The following RBFOX1 variants were observed in gnomAD, a reference collection of about 807,000 sequenced individuals.
RBFOX1 encodes the protein RNA binding protein fox-1 homolog 1.
In RBFOX1, 8 loss-of-function variants were observed where a neutral mutation model predicts 57.7. The ratio of observed to expected loss-of-function variants is 0.14; its 90% CI spans 0.08 to 0.25. The LOEUF (loss-of-function observed/expected upper bound fraction) is 0.25. Ranked by LOEUF, RBFOX1 falls within the 10% of genes least tolerant of loss-of-function variation. RBFOX1 has a pLI of 1.00. For missense variants in RBFOX1, 611 were observed against 548.5 expected (o/e 1.11, Z -1.14); for synonymous variants, 326 against 222.4 (o/e 1.47, Z -4.15).
At chr16:6,327,254 G>A (rs8049893) in intron 2 of RBFOX1, among the ~76,000 whole-genome samples, 1,934 of 151,908 alleles carry the variant, frequency 0.013, 39 homozygotes, top group African/African-American at 0.044. Flanking sequence ...CATTCCCTGC[G>A]ATCATCATTA....
At chr16:6,229,457 A>G (rs1038074307) in intron 1 of RBFOX1, among the ~76,000 whole-genome samples, 7 of 152,176 alleles carry the variant, frequency 4.6e-5, no homozygotes, top group African/African-American at 1.7e-4. Flanking sequence ...TGTTTGAATC[A>G]AGAACCGGCA....
intron 3 of RBFOX1, among the ~76,000 whole-genome samples, chr16:6,848,509 T>G (rs1035583234): frequency 6.6e-6 from 1 of 151,896 alleles, no homozygotes; most frequent in Non-Finnish European, 1.5e-5. Context: ...TTTTCGACAT[T>G]ATTGGTCAAA....
At chr16:6,981,333 A>G (rs1327824759) in intron 3 of RBFOX1, among the ~76,000 whole-genome samples, 1 of 151,962 alleles carries the variant, frequency 6.6e-6, no homozygotes, top group African/African-American at 2.4e-5. Context: ...TGTTCTCATT[A>G]TTTAGCTCCT....
intron 3 of RBFOX1, among the ~76,000 whole-genome samples, chr16:6,821,592 G>T (rs1305348252): frequency 6.6e-6 from 1 of 152,162 alleles, no homozygotes; most frequent in Non-Finnish European, 1.5e-5. Context: ...TGGTCGGTCT[G>T]TCACAATGGA....
intron 3 of RBFOX1, among the ~76,000 whole-genome samples, chr16:6,813,312 G>C (rs181380595): frequency 6.6e-6 from 1 of 152,098 alleles, no homozygotes. Context: ...AACCCTCTTC[G>C]TTTCTAGCCT....
chr16:7,592,569 T>C (rs545418701), intron 7 of RBFOX1, among the ~76,000 whole-genome samples: 1 of 152,210 alleles, frequency 6.6e-6, no homozygotes, highest in Non-Finnish European at 1.5e-5. Context: ...CCAGTGGGGC[T>C]ATGGATTTTC....
chr16:5,698,836 T>G (rs1322317927), intron 3 of RBFOX1, among the ~76,000 whole-genome samples: 1 of 152,248 alleles, frequency 6.6e-6, no homozygotes, highest in Non-Finnish European at 1.5e-5. Context: ...TTTAAAATTT[T>G]GTTTATTAAA....
chr16:6,124,491 A>C (rs762716591), intron 1 of RBFOX1, among the ~76,000 whole-genome samples: 10 of 152,014 alleles, frequency 6.6e-5, no homozygotes, highest in Non-Finnish European at 1.3e-4. Flanking sequence ...TGGAAAGCCC[A>C]TTGTTGCCTA....
At chr16:5,809,381 C>G (rs1003813098) in intron 3 of RBFOX1, among the ~76,000 whole-genome samples, 2 of 152,142 alleles carry the variant, frequency 1.3e-5, no homozygotes, top group Non-Finnish European at 2.9e-5. Context: ...TCAGAGTGAA[C>G]AGGCAGCCTA....
intron 3 of RBFOX1, among the ~76,000 whole-genome samples, chr16:6,656,538 AG>A (rs1163242195): frequency 2.6e-5 from 4 of 151,828 alleles, no homozygotes; most frequent in Admixed American, 1.3e-4. Context: ...GGTGGGAAAA[AG>A]TCATTAATGG....
At chr16:7,006,077 C>G (rs1236650878) in intron 3 of RBFOX1, among the ~76,000 whole-genome samples, 1 of 152,148 alleles carries the variant, frequency 6.6e-6, no homozygotes, top group African/African-American at 2.4e-5. Context: ...GTAGTAAACC[C>G]TACTTTGTTC....
intron 4 of RBFOX1, among the ~76,000 whole-genome samples, chr16:7,412,121 C>G (rs959167120): frequency 2.0e-5 from 3 of 152,024 alleles, no homozygotes; most frequent in African/African-American, 7.3e-5. Context: ...ATGTACCATG[C>G]TACTGTAAGA....
At chr16:7,374,009 T>A (rs911804532) in intron 4 of RBFOX1, among the ~76,000 whole-genome samples, 1 of 152,200 alleles carries the variant, frequency 6.6e-6, no homozygotes, top group Admixed American at 6.5e-5. Flanking sequence ...GTCACAGATA[T>A]GAGCCATAAA....
At chr16:6,265,250 T>G (rs571436875) in intron 1 of RBFOX1, among the ~76,000 whole-genome samples, 1 of 152,156 alleles carries the variant, frequency 6.6e-6, no homozygotes, top group Non-Finnish European at 1.5e-5. Flanking sequence ...TGACATTTTG[T>G]TTTTTTGTTT....
chr16:7,699,712 G>C (rs2080028452), intron 14 of RBFOX1, among the ~76,000 whole-genome samples: 1 of 151,898 alleles, frequency 6.6e-6, no homozygotes, highest in Non-Finnish European at 1.5e-5. Context: ...GAATATTCTG[G>C]AGAAAATAAA....
chr16:6,175,198 A>G (rs575186862), intron 1 of RBFOX1, among the ~76,000 whole-genome samples: 27 of 152,354 alleles, frequency 1.8e-4, no homozygotes, highest in African/African-American at 4.6e-4. Context: ...TAGCAAAGCA[A>G]TAGAACCTGA....
At chr16:5,680,718 C>G (rs544605006) in intron 3 of RBFOX1, among the ~76,000 whole-genome samples, 6 of 152,272 alleles carry the variant, frequency 3.9e-5, no homozygotes, top group Non-Finnish European at 7.4e-5. Flanking sequence ...CCAGCAAAGG[C>G]ACTAAAAACA....
intron 1 of RBFOX1, among the ~76,000 whole-genome samples, chr16:5,363,437 T>G (rs548673988): frequency 4.1e-4 from 62 of 152,330 alleles, no homozygotes; most frequent in African/African-American, 1.4e-3. Flanking sequence ...TTTCCTTGTT[T>G]AATTTTATCC....
At chr16:7,263,461 G>A (rs2095002367) in intron 4 of RBFOX1, among the ~76,000 whole-genome samples, 2 of 152,176 alleles carry the variant, frequency 1.3e-5, no homozygotes, top group African/African-American at 4.8e-5. Context: ...CTGGATCCCA[G>A]AAGAGACCAA....
Sources: allele counts gnomAD v4.1 joint callset (sites outside exome capture counted in the v4.1 genomes callset), GRCh38; gene constraint gnomAD v4.1.1; transcripts MANE v1.5; gene names NCBI Gene and HGNC (gene_info 2026-07-23, HGNC 2026-07-21).